Variants in UVRAG observed in about 807,000 individuals in gnomAD.
UVRAG encodes the protein UV radiation resistance associated.
UVRAG carries 19 observed loss-of-function variants against 78.0 expected under a neutral mutation model. That is an observed-to-expected ratio of 0.24 (90% confidence interval 0.17 to 0.36). The LOEUF (loss-of-function observed/expected upper bound fraction) is 0.36. UVRAG is among the 10% of genes least tolerant of loss of function. UVRAG has a pLI of 1.00. For missense variants in UVRAG, 740 were observed against 853.8 expected, an observed-to-expected ratio of 0.87 and a Z score of 1.66; for synonymous variants, 323 against 324.6, an observed-to-expected ratio of 1.00 and a Z score of 0.05.
intron 13 of UVRAG, among the ~76,000 whole-genome samples, chr11:76,107,045 C>G (rs943595095): frequency 1.3e-5 from 2 of 152,186 alleles, no homozygotes; most frequent in Admixed American, 6.5e-5. Flanking sequence ...ACTAATCCTC[C>G]TTAGCAACTC....
rs927568694 is a variant in UVRAG at position 75,834,026 on chromosome 11, G to A, written c.118-17857G>A. On this transcript the variant is annotated intron_variant, in intron 1 of 14. Transcript: ENST00000356136. ...CCAGTTAATGGCCAGATTTTGGGGG[G>A]CCTGTTCCCAACAGTTATCAACATC... is the stretch of plus-strand genomic sequence containing the variant. Among the ~76,000 whole-genome samples the A allele has an allele frequency of 3.3e-5, 5 of 152,146 alleles. No individual in the cohort carries two copies. In the East Asian group the frequency reaches 5.8e-4, roughly 18 times the overall value.
intron 6 of UVRAG, among the ~76,000 whole-genome samples, chr11:75,918,436 GAT>G (rs1250646637): frequency 6.6e-6 from 1 of 151,280 alleles, no homozygotes; most frequent in African/African-American, 2.4e-5. Context: ...AGAAAGCTTT[GAT>G]ATATCATGTA....
intron 14 of UVRAG, among the ~76,000 whole-genome samples, chr11:76,117,525 G>A (rs1205413486): frequency 1.3e-5 from 2 of 152,178 alleles, no homozygotes; most frequent in Admixed American, 1.3e-4. Context: ...GTGTTGTTGA[G>A]ATTTGAGAAT....
Position 76,016,979 on chromosome 11 carries a change from GAGTA to G in UVRAG, c.1226+3_1226+6del. 1 of 1,591,048 alleles carries G rather than the reference GAGTA, an allele frequency of 6.3e-7. No individual in the cohort carries two copies. The highest frequency in any genetic ancestry group is 8.6e-7 in the Non-Finnish European group (1 of 1,168,360). ...TGACAAACTGACGGAAAAGGAGAGA[GAGTA>G]AGTGTCTTTTTTTTAAAAAAATGAT... On this transcript the variant is annotated splice_donor_variant and splice_donor_region_variant and coding_sequence_variant and intron_variant, in exon 12 of 15. Coordinates refer to ENST00000356136, the MANE Select transcript of UVRAG (RefSeq NM_003369.4). LOFTEE classifies it high-confidence loss of function.
At position 75,988,220 on chromosome 11, in the gene UVRAG, CAGTGA is replaced by C. The variant is rs375527286; in HGVS notation, c.826+4708_826+4712del. ...TCAGGCAGGTAGCTACCACCACAAT[CAGTGA>C]TAACATTTCTATCATTGTAAACAGC... On this transcript the variant is annotated intron_variant, in intron 8 of 14. Transcript: ENST00000356136. 1.7e-3 allele frequency among the ~76,000 whole-genome samples: 261 copies of C among 152,294 alleles called. 2 individuals are homozygous for C. Among genetic ancestry groups the C allele is most frequent in the African/African-American group, 6.1e-3 (252 of 41,554 alleles).
intron 8 of UVRAG, among the ~76,000 whole-genome samples, chr11:75,993,320 C>T (rs535142610): frequency 3.2e-4 from 48 of 152,302 alleles, no homozygotes; most frequent in Middle Eastern, 3.4e-3. Flanking sequence ...GGCCTCATTA[C>T]TTCACACTCA....
intron 12 of UVRAG, among the ~76,000 whole-genome samples, chr11:76,064,197 A>G (rs539434583): frequency 5.3e-5 from 8 of 152,364 alleles, no homozygotes; most frequent in African/African-American, 1.9e-4. Context: ...TTCTAGATTT[A>G]TACCTTGAAA....
In UVRAG at chr11:75,919,386, A is replaced by T. The variant is rs938597789; in HGVS notation, c.593+7347A>T. ...GACTAGGCTCTTACCCAGTTTCTGT[A>T]TGCTTATTTTAAGTAAGTTAGGGGA... On this transcript the variant is annotated intron_variant, in intron 6 of 14. Transcript: ENST00000356136. Among the ~76,000 whole-genome samples the T allele has an allele frequency of 2.6e-5, 4 of 152,220 alleles. No individual in the cohort carries two copies. In the South Asian group the frequency reaches 6.2e-4, roughly 24 times the overall value.
intron 7 of UVRAG, among the ~76,000 whole-genome samples, chr11:75,981,849 A>AT (rs750756267): frequency 6.8e-6 from 1 of 147,378 alleles, no homozygotes; most frequent in Non-Finnish European, 1.5e-5. Context: ...AGTTTTTGTT[A>AT]TTTTTTGTTC....
chr11:75,954,926 G>A (rs1948766082), intron 6 of UVRAG, among the ~76,000 whole-genome samples: 1 of 152,212 alleles, frequency 6.6e-6, no homozygotes, highest in Admixed American at 6.5e-5. Context: ...CCTCTTGATG[G>A]ATTAGGAGTT....
chr11:75,962,153 A>T (rs1040153835), intron 7 of UVRAG, among the ~76,000 whole-genome samples: 4 of 151,616 alleles, frequency 2.6e-5, no homozygotes, highest in African/African-American at 4.8e-5. Flanking sequence ...TTTTTTTTTT[A>T]AAAGCCACTT....
At chr11:76,077,821 C>CAAAA (rs1951430755) in intron 13 of UVRAG, among the ~76,000 whole-genome samples, 1 of 152,090 alleles carries the variant, frequency 6.6e-6, no homozygotes, top group African/African-American at 2.4e-5. Flanking sequence ...CCCTTTTTTT[C>CAAAA]TGTGGCTAAT....
chr11:76,106,618 T>C (rs1182741046), intron 13 of UVRAG, among the ~76,000 whole-genome samples: 3 of 152,166 alleles, frequency 2.0e-5, no homozygotes. Flanking sequence ...TCCACCTGCC[T>C]CGGCCTCCCA....
intron 4 of UVRAG, among the ~76,000 whole-genome samples, chr11:75,887,693 C>G (rs1298574616): frequency 1.3e-5 from 2 of 152,174 alleles, no homozygotes; most frequent in African/African-American, 4.8e-5. Context: ...GTGATCCACC[C>G]GCCTTGGCCT....
rs1479921342 is a variant in UVRAG at position 75,815,415 on chromosome 11, C to T, written c.8C>T (p.Ala3Val). 8.0e-7 allele frequency: 1 copy of T among 1,248,384 alleles called. No homozygotes were observed. Among genetic ancestry groups the T allele is most frequent in the Non-Finnish European group, 1.0e-6 (1 of 994,952 alleles). 77.3% of individuals were successfully genotyped at this position (1,248,384 alleles called of 1,614,324 possible). MS[A>V]SASVGGPVPQ... ...GGCGGCCCCTGGATCGAGATGAGCG[C>T]CTCCGCGTCGGTCGGGGGCCCCGTC... The change falls in exon 1 of 15, where the codon GCC becomes GTC. Residue 3 changes from alanine (A) to valine (V), a missense_variant. By Grantham distance (64) the Ala-to-Val change is moderately conservative. Transcript: ENST00000356136.
intron 6 of UVRAG, among the ~76,000 whole-genome samples, chr11:75,927,070 ATT>A (rs534709272): frequency 1.5e-4 from 20 of 137,332 alleles, no homozygotes; most frequent in Admixed American, 2.2e-4. Flanking sequence ...TGGCAAAGGC[ATT>A]TTTTTTTTTT....
At chr11:75,997,138 T>A (rs1781740895) in intron 8 of UVRAG, among the ~76,000 whole-genome samples, 1 of 152,216 alleles carries the variant, frequency 6.6e-6, no homozygotes, top group Admixed American at 6.5e-5. Flanking sequence ...GCATCATAAA[T>A]CATAGTATAG....
At chr11:75,880,245 G>C (rs1946907045) in intron 4 of UVRAG, among the ~76,000 whole-genome samples, 1 of 152,126 alleles carries the variant, frequency 6.6e-6, no homozygotes, top group Non-Finnish European at 1.5e-5. Context: ...TTGAATCATT[G>C]CCTAGTTTAA....
At chr11:76,028,979 A>T (rs58497852) in intron 12 of UVRAG, among the ~76,000 whole-genome samples, 2 of 152,142 alleles carry the variant, frequency 1.3e-5, no homozygotes, top group African/African-American at 4.8e-5. Context: ...GGAGAAGTCA[A>T]TGCCTGACTG....
Sources: allele counts gnomAD v4.1 joint callset (sites outside exome capture counted in the v4.1 genomes callset), GRCh38; gene constraint gnomAD v4.1.1; transcripts MANE v1.5; gene names NCBI Gene and HGNC (gene_info 2026-07-23, HGNC 2026-07-21).